Variants in CCDC149 observed in about 807,000 individuals in gnomAD.
The protein encoded by CCDC149 is coiled-coil domain-containing protein 149.
CCDC149 carries 45 observed loss-of-function variants against 59.9 expected under a neutral mutation model. The ratio of observed to expected loss-of-function variants is 0.75; its 90% confidence interval spans 0.59 to 0.96. The LOEUF is 0.96. Among genes scored for constraint, CCDC149 ranks in the 40% least tolerant of loss-of-function variants. The pLI is 0.00. For synonymous variants in CCDC149, 245 were observed against 260.6 expected (o/e 0.94, Z 0.58); for missense variants, 584 against 664.7 (o/e 0.88, Z 1.33).
intron 1 of CCDC149, among the ~76,000 whole-genome samples, chr4:24,887,598 C>G (rs1361309994): frequency 6.6e-6 from 1 of 152,088 alleles, no homozygotes; most frequent in Non-Finnish European, 1.5e-5. Flanking sequence ...CACTTCCCAC[C>G]CAACAAATGG....
intron 1 of CCDC149, among the ~76,000 whole-genome samples, chr4:24,942,079 C>T (rs1722970765): frequency 6.6e-6 from 1 of 152,104 alleles, no homozygotes; most frequent in Non-Finnish European, 1.5e-5. Context: ...CAAAGCCTGG[C>T]AGAGATACAA....
intron 1 of CCDC149, among the ~76,000 whole-genome samples, chr4:24,910,696 T>C (rs898617309): frequency 6.6e-6 from 1 of 152,152 alleles, no homozygotes; most frequent in Non-Finnish European, 1.5e-5. Context: ...AAGTGTGGCC[T>C]AGCAAGGCTC....
intron 1 of CCDC149, among the ~76,000 whole-genome samples, chr4:24,942,354 T>A (rs1350907449): frequency 6.6e-6 from 1 of 152,188 alleles, no homozygotes; most frequent in Non-Finnish European, 1.5e-5. Context: ...CAACCCTTCA[T>A]GCTAAAAACT....
chr4:24,930,272 C>G (rs1015530531), intron 1 of CCDC149, among the ~76,000 whole-genome samples: 2 of 152,214 alleles, frequency 1.3e-5, no homozygotes, highest in African/African-American at 2.4e-5. Context: ...CAGCTAGGAG[C>G]TGGCAGAGCC....
intron 1 of CCDC149, among the ~76,000 whole-genome samples, chr4:24,963,223 CT>C (rs1488395968): frequency 2.0e-5 from 3 of 151,872 alleles, no homozygotes; most frequent in Non-Finnish European, 4.4e-5. Flanking sequence ...CATCTTCTGC[CT>C]GGTGGGAGTA....
At chr4:24,966,484 G>A (rs1439669471) in intron 1 of CCDC149, among the ~76,000 whole-genome samples, 1 of 151,982 alleles carries the variant, frequency 6.6e-6, no homozygotes, top group Non-Finnish European at 1.5e-5. Context: ...TGGCTCTTGG[G>A]CAAGCAGAAG....
chr4:24,939,734 A>C (rs1182747015), intron 1 of CCDC149, among the ~76,000 whole-genome samples: 1 of 152,216 alleles, frequency 6.6e-6, no homozygotes, highest in African/African-American at 2.4e-5. Flanking sequence ...CAGCACGAGA[A>C]CTACGCGACG....
intron 2 of CCDC149, among the ~76,000 whole-genome samples, chr4:24,873,977 C>T (rs1719221338): frequency 6.6e-6 from 1 of 152,114 alleles, no homozygotes; most frequent in Non-Finnish European, 1.5e-5. Context: ...TGTTTGAACA[C>T]AAAAACTGGA....
chr4:24,877,190 T>C (rs1719515776), intron 1 of CCDC149, among the ~76,000 whole-genome samples: 1 of 152,052 alleles, frequency 6.6e-6, no homozygotes, highest in African/African-American at 2.4e-5. Flanking sequence ...TGTTTGTTTG[T>C]TTGTTTGTTT....
chr4:24,837,430 G>T lies in CCDC149; in HGVS notation c.490-30C>A, dbSNP rs771268292. The T allele has an allele frequency of 1.9e-6, 3 of 1,610,776 alleles. No individual in the cohort carries two copies. Among genetic ancestry groups the T allele is most frequent in the Middle Eastern group, 3.3e-4 (2 of 6,036 alleles). ...AACCACAGGGAGAGCCCTTACTCAA[G>T]ATGTTCCTCAGGCTCCAGCTTTATG... On this transcript the variant is annotated intron_variant, in intron 5 of 12. Coordinates refer to ENST00000635206, the MANE Select transcript of CCDC149 (RefSeq NM_001330643.2). This position sits in a 1 kb window ranked among gnomAD's most constrained non-coding sequence, Gnocchi z 4.3.
At chr4:24,830,070 T>A (rs112147178) in intron 9 of CCDC149, 72 of 152,842 alleles carry the variant, frequency 4.7e-4, no homozygotes, top group African/African-American at 1.6e-3. Flanking sequence ...GCTGGTGTAC[T>A]TCCTGGAGAC....
rs143183008 is a variant in CCDC149, at chr4:24,889,122, C to T, written c.64-12425G>A. On this transcript the variant is annotated intron_variant, in intron 1 of 12. Coordinates refer to ENST00000635206, the MANE Select transcript of CCDC149 (RefSeq NM_001330643.2). Reference sequence around the variant, plus strand: ...GAAATTCACTGACAGTCTTGGCTAACCGAAGTTTTGAATAACGAAGGTTTG... The same window carrying T: ...GAAATTCACTGACAGTCTTGGCTAATCGAAGTTTTGAATAACGAAGGTTTG... 2.5e-3 allele frequency among the ~76,000 whole-genome samples: 387 copies of T among 152,222 alleles called. 1 individual carries two copies. The highest frequency in any genetic ancestry group is 4.1e-3 in the Non-Finnish European group (279 of 68,016).
intron 3 of CCDC149, among the ~76,000 whole-genome samples, chr4:24,854,622 A>C (rs1717887497): frequency 6.6e-6 from 1 of 152,208 alleles, no homozygotes; most frequent in African/African-American, 2.4e-5. Flanking sequence ...CAAAGACTTC[A>C]ATGCTAATAC....
At chr4:24,968,529 C>T (rs1723871528) in intron 1 of CCDC149, among the ~76,000 whole-genome samples, 1 of 152,214 alleles carries the variant, frequency 6.6e-6, no homozygotes, top group African/African-American at 2.4e-5. Flanking sequence ...AGTCCTAATG[C>T]AAGATAAGGC....
chr4:24,813,512 ATAT>A (rs1714793870), intron 12 of CCDC149, among the ~76,000 whole-genome samples: 1 of 142,730 alleles, frequency 7.0e-6, no homozygotes. Flanking sequence ...ATATATATAT[ATAT>A]ATATATATAT....
At chr4:24,850,342 CG>C (rs1644658871) in intron 4 of CCDC149, among the ~76,000 whole-genome samples, 1 of 152,132 alleles carries the variant, frequency 6.6e-6, no homozygotes, top group Non-Finnish European at 1.5e-5. Context: ...GTCGGTGCCA[CG>C]CAAGTGAGAA....
At chr4:24,875,257 G>A (rs1052470704) in intron 2 of CCDC149, among the ~76,000 whole-genome samples, 22 of 151,988 alleles carry the variant, frequency 1.4e-4, no homozygotes, top group African/African-American at 4.6e-4. Context: ...ATGAACCTGG[G>A]AGGCGGAGCT....
chr4:24,967,688 C>T (rs558559754), intron 1 of CCDC149, among the ~76,000 whole-genome samples: 1 of 150,924 alleles, frequency 6.6e-6, no homozygotes, highest in East Asian at 1.9e-4. Context: ...CTGGCAATGT[C>T]CAGAAGGGGT....
At chr4:24,919,042 C>A (rs1426444690) in intron 1 of CCDC149, among the ~76,000 whole-genome samples, 1 of 152,202 alleles carries the variant, frequency 6.6e-6, no homozygotes, top group Non-Finnish European at 1.5e-5. Flanking sequence ...AGCAGCTTAC[C>A]TTTGGGAAAG....
Sources: gnomAD v4.1 joint callset for allele counts (sites outside exome capture counted in the v4.1 genomes callset) on GRCh38, gnomAD v4.1.1 for gene constraint, Gnocchi (gnomAD v3.1) non-coding constraint, MANE v1.5 for transcripts, NCBI Gene and HGNC (gene_info 2026-07-23, HGNC 2026-07-21) for gene names.